RHOT1: variants seen among roughly 807,000 people sequenced by gnomAD.
RHOT1 encodes the protein mitochondrial Rho GTPase 1.
RHOT1 carries 27 observed loss-of-function variants against 95.3 expected under a neutral mutation model. That is an observed-to-expected ratio of 0.28 (90% CI 0.21 to 0.39). RHOT1 has a LOEUF of 0.39. Ranked by LOEUF, RHOT1 falls within the 10% of genes least tolerant of loss-of-function variation. The probability of loss-of-function intolerance (pLI) is 1.00; values close to 1 mark genes in which losing one functional copy is unlikely to be tolerated. For synonymous variants in RHOT1, 227 were observed against 263.5 expected (o/e 0.86, Z 1.34); for missense variants, 578 against 786.7 (o/e 0.73, Z 3.17).
chr17:32,183,302 T>C (rs2035782767), intron 8 of RHOT1, 30 bp downstream of exon 8: 1 of 1,271,336 alleles, frequency 7.9e-7, no homozygotes, highest in Non-Finnish European at 1.0e-6. Flanking sequence ...GGGGCTGGAA[T>C]GTGTATGTAG....
chr17:32,184,135 G>A (rs1307862806), intron 8 of RHOT1, among the ~76,000 whole-genome samples: 2 of 152,108 alleles, frequency 1.3e-5, no homozygotes, highest in South Asian at 2.1e-4. Context: ...CTATTCCGTG[G>A]TTTTTAGTGT....
In RHOT1 at chr17:32,194,062, G is replaced by A. The variant is rs1446379654; in HGVS notation, c.824G>A (p.Gly275Asp). The A allele has an allele frequency of 6.2e-7, 1 of 1,614,116 alleles. No homozygotes were observed. The highest frequency in any genetic ancestry group is 8.5e-7 in the Non-Finnish European group (1 of 1,180,002). The change falls in exon 11 of 20, where the codon GGT becomes GAT. Residue 275 changes from glycine to aspartate, a missense_variant. Transcript: ENST00000545287. Reference protein sequence around the residue: ...ETTWTVLRRFGYDDDLDLTPE... With the variant: ...ETTWTVLRRFDYDDDLDLTPE... ...ACTTGGACTGTGCTTCGACGATTTG[G>A]TTATGATGATGACCTGGATTTGACA...
At position 32,192,174 on chromosome 17, in the gene RHOT1, A is replaced by G. The variant is rs770556089; in HGVS notation, c.541-27A>G. 5 of 1,088,966 alleles carry G rather than the reference A, an allele frequency of 4.6e-6. No homozygotes were observed. In the South Asian group the frequency reaches 6.9e-5, roughly 15 times the overall value. The allele number at this position is 1,088,966 out of a possible 1,614,324, so 67.5% of individuals were successfully genotyped here. Reference sequence around the variant, plus strand: ...GCTTATGAAAATCACAGTTTAAACAATTATTTCTTTTCTCAATGATTTATA... The same window carrying G: ...GCTTATGAAAATCACAGTTTAAACAGTTATTTCTTTTCTCAATGATTTATA... On this transcript the variant is annotated intron_variant, in intron 8 of 19. Transcript: ENST00000545287.
intron 3 of RHOT1, 51 bp downstream of exon 3, chr17:32,173,963 G>A (rs759730228): frequency 1.6e-6 from 2 of 1,233,332 alleles, no homozygotes; most frequent in Admixed American, 3.9e-5. Context: ...TAATAGACTT[G>A]AAAAAAGATA....
chr17:32,202,362 A>C (rs2037389311), intron 14 of RHOT1, among the ~76,000 whole-genome samples: 1 of 152,158 alleles, frequency 6.6e-6, no homozygotes, highest in Non-Finnish European at 1.5e-5. Flanking sequence ...GCTCCAAGAG[A>C]GTGCAGATTT....
intron 1 of RHOT1, among the ~76,000 whole-genome samples, chr17:32,166,286 T>A (rs184224893): frequency 6.6e-5 from 10 of 152,304 alleles, no homozygotes; most frequent in Admixed American, 4.6e-4. Context: ...TAAAAATACT[T>A]TATTGTCAAA....
intron 19 of RHOT1, among the ~76,000 whole-genome samples, chr17:32,224,212 G>A (rs932812125): frequency 6.6e-6 from 1 of 152,066 alleles, no homozygotes; most frequent in Non-Finnish European, 1.5e-5. Context: ...TCAGTTCCTG[G>A]GGATAGGAGA....
rs543320623 is a variant in RHOT1 at position 32,180,244 on chromosome 17, G to T, written c.330-2513G>T. Among the ~76,000 whole-genome samples, 3 of 152,158 alleles carry T rather than the reference G, an allele frequency of 2.0e-5. No homozygotes were observed. In the South Asian group the frequency reaches 6.2e-4, roughly 31 times the overall value. On this transcript the variant is annotated intron_variant, in intron 6 of 19. Transcript: ENST00000545287. ...GGGAAATGTGGGGAAAAGAAAGAGA[G>T]ATCAGATTGTTACTGTGTCTGTGTA... is the stretch of plus-strand genomic sequence containing the variant.
chr17:32,214,894 C>CTTTT lies in RHOT1; in HGVS notation c.1862+3683_1862+3686dup, dbSNP rs551151153. 1.3e-3 allele frequency among the ~76,000 whole-genome samples: 68 copies of CTTTT among 52,840 alleles called. 8 individuals are homozygous for CTTTT. The highest frequency in any genetic ancestry group is 1.5e-3 in the Non-Finnish European group (44 of 28,390). The allele number at this position is 52,840 out of a possible 152,430, so 34.7% of individuals were successfully genotyped here. ...GAAAGAGCAGTTCTAAAAGGCTTGT[C>CTTTT]TTTTTTTTTTTTTTTTTTTTTTTTT... is the stretch of plus-strand genomic sequence containing the variant. On this transcript the variant is annotated intron_variant, in intron 19 of 19. Transcript: ENST00000545287.
chr17:32,217,511 C>T (rs535659860), intron 19 of RHOT1, among the ~76,000 whole-genome samples: 1 of 152,166 alleles, frequency 6.6e-6, no homozygotes, highest in East Asian at 1.9e-4. Context: ...AATCCCAGCA[C>T]TTTGGGAGGC....
rs752588151 is a variant in RHOT1 at position 32,192,289 on chromosome 17, A to G, written c.629A>G (p.Asn210Ser). 1.9e-6 allele frequency: 3 copies of G among 1,548,970 alleles called. No individual in the cohort carries two copies. The South Asian group carries it at 3.6e-5, about 19-fold the overall frequency. The stretch of plus-strand genomic sequence containing the variant: ...GGTACTCTCAATGATGCTGAACTCA[A>G]CTTCTTTCAGGTAATGGTCCTTTAT... ...NDGTLNDAEL[N>S]FFQRICFNTP... Residue 210 changes from asparagine (N) to serine (S), a missense_variant, in exon 9 of 20, where the codon AAC becomes AGC. This residue lies in a region of RHOT1 where 227 missense variants were observed against 316.0 expected (regional missense o/e 0.72). Coordinates refer to ENST00000545287, the MANE Select transcript of RHOT1 (RefSeq NM_001033566.3).
In RHOT1 at chr17:32,144,811, AC is replaced by A. The variant is rs200835026; in HGVS notation, c.37+2086del. On this transcript the variant is annotated intron_variant, in intron 1 of 19. Coordinates refer to ENST00000545287, the MANE Select transcript of RHOT1 (RefSeq NM_001033566.3). ...AGACCAGCCTGGGCAACATAGTGAG[AC>A]CCCGCCTCAAAAAAAAAAAACCACA... Among the ~76,000 whole-genome samples the A allele has an allele frequency of 4.1e-3, 554 of 134,818 alleles. 5 individuals are homozygous for A. The highest frequency in any genetic ancestry group is 0.017 in the African/African-American group (533 of 31,028). The allele number at this position is 134,818 out of a possible 152,430, so 88.4% of individuals were successfully genotyped here. A position where few individuals can be genotyped will look rare whatever the true frequency, so the allele number is the denominator to read the frequency against.
chr17:32,177,987 G>C (rs1443174313), intron 6 of RHOT1, among the ~76,000 whole-genome samples: 1 of 151,138 alleles, frequency 6.6e-6, no homozygotes, highest in Non-Finnish European at 1.5e-5. Context: ...ACCACACCCA[G>C]CTAATTTTTG....
At chr17:32,204,064 T>C (rs1481126623) in intron 16 of RHOT1, 91 bp downstream of exon 16, 23 of 834,634 alleles carry the variant, frequency 2.8e-5, no homozygotes, top group Non-Finnish European at 4.2e-5. Flanking sequence ...ATTGAATGAC[T>C]CTCTGTAGAA....
At chr17:32,166,905 C>T (rs1366126577) in intron 1 of RHOT1, among the ~76,000 whole-genome samples, 1 of 152,176 alleles carries the variant, frequency 6.6e-6, no homozygotes, top group African/African-American at 2.4e-5. Context: ...CTGTGAATCA[C>T]AAATGTTCTT....
At chr17:32,145,781 G>A (rs1318922879) in intron 1 of RHOT1, among the ~76,000 whole-genome samples, 3 of 152,046 alleles carry the variant, frequency 2.0e-5, no homozygotes, top group Non-Finnish European at 2.9e-5. Flanking sequence ...TTGGGAGGCC[G>A]AGGCAGGTGG....
intron 1 of RHOT1, among the ~76,000 whole-genome samples, chr17:32,167,277 C>A (rs753567767): frequency 6.6e-6 from 1 of 151,894 alleles, no homozygotes; most frequent in Non-Finnish European, 1.5e-5. Context: ...GTGCTGTCAT[C>A]CAGGCTTTGT....
intron 6 of RHOT1, chr17:32,179,854 CTGG>C (rs2035454226): frequency 7.2e-6 from 1 of 139,408 alleles, no homozygotes; most frequent in African/African-American, 3.1e-5. Flanking sequence ...GCGCCTCTAC[CTGG>C]CTGCCCCATC....
chr17:32,224,296 C>T (rs891814134), intron 19 of RHOT1, among the ~76,000 whole-genome samples: 2 of 152,162 alleles, frequency 1.3e-5, no homozygotes, highest in African/African-American at 4.8e-5. Flanking sequence ...TTTGAACAAC[C>T]GTAACGGTAT....
Sources: gnomAD v4.1 joint callset for allele counts (sites outside exome capture counted in the v4.1 genomes callset) on GRCh38, gnomAD v4.1.1 for gene constraint, gnomAD v4.1.1 regional missense constraint, MANE v1.5 for transcripts, NCBI Gene and HGNC (gene_info 2026-07-23, HGNC 2026-07-21) for gene names.